Variants in FIRRM observed in about 807,000 individuals in gnomAD.
FIRRM encodes the protein FIGNL1 interacting regulator of recombination and mitosis.
At chr1:169,802,776 C>A in the FIRRM span, 2 of 1,116,802 alleles carry the variant, frequency 1.8e-6, no homozygotes, top group South Asian at 2.6e-5. Flanking sequence ...TAAAGAATGT[C>A]AAAATTTTTA....
At chr1:169,816,205 T>G in the FIRRM span, among the ~76,000 whole-genome samples, 1 of 21,306 alleles carries the variant, frequency 4.7e-5, no homozygotes, top group African/African-American at 2.9e-4. Context: ...TTCCATGAAC[T>G]GGGCAACTGT....
the FIRRM span, chr1:169,851,517 C>A: frequency 2.2e-5 from 6 of 267,136 alleles, no homozygotes; most frequent in Non-Finnish European, 3.5e-5. Flanking sequence ...TACATCTAAG[C>A]TGGATTTTAA....
At chr1:169,844,440 TAAGA>T in the FIRRM span, among the ~76,000 whole-genome samples, 2 of 152,310 alleles carry the variant, frequency 1.3e-5, no homozygotes, top group Admixed American at 6.5e-5. Flanking sequence ...CAGGGTCAGG[TAAGA>T]AAGATAAACA....
chr1:169,850,092 T>G, the FIRRM span: 1 of 584,082 alleles, frequency 1.7e-6, no homozygotes, highest in Non-Finnish European at 3.0e-6. Context: ...AGAAGTTAAT[T>G]TTGTATTATC....
chr1:169,799,165 A>C, the FIRRM span, among the ~76,000 whole-genome samples: 1 of 152,224 alleles, frequency 6.6e-6, no homozygotes, highest in African/African-American at 2.4e-5. Flanking sequence ...ATTTTGGATA[A>C]ATACCAAAGT....
At chr1:169,830,345 C>G in the FIRRM span, 1 of 1,612,578 alleles carries the variant, frequency 6.2e-7, no homozygotes, top group Non-Finnish European at 8.5e-7. Flanking sequence ...TTGCTCGGTA[C>G]AACATATTTG....
the FIRRM span, among the ~76,000 whole-genome samples, chr1:169,801,458 A>AAG: frequency 6.6e-6 from 1 of 151,102 alleles, no homozygotes; most frequent in Non-Finnish European, 1.5e-5. Flanking sequence ...AAAAAAAAAA[A>AAG]AAAAAAAAAG....
At chr1:169,811,761 TAGAC>T in the FIRRM span, among the ~76,000 whole-genome samples, 53 of 131,362 alleles carry the variant, frequency 4.0e-4, 1 homozygote, top group African/African-American at 8.2e-4. Flanking sequence ...AAATAGATAA[TAGAC>T]AGATTATCTA....
chr1:169,795,302 G>A, the FIRRM span: 1 of 1,450,832 alleles, frequency 6.9e-7, no homozygotes, highest in Non-Finnish European at 9.3e-7. Context: ...CCCACCGCCA[G>A]GCTGGGTTAT....
chr1:169,811,775 A>AG, the FIRRM span, among the ~76,000 whole-genome samples: 1,156 of 151,704 alleles, frequency 7.6e-3, 32 homozygotes, highest in Middle Eastern at 0.017. Context: ...CAGATTATCT[A>AG]AATAGATAAT....
the FIRRM span, among the ~76,000 whole-genome samples, chr1:169,810,991 C>A: frequency 6.6e-6 from 1 of 151,512 alleles, no homozygotes; most frequent in East Asian, 1.9e-4. Context: ...TCCCGAGTAG[C>A]TGGGACTACA....
chr1:169,828,583 C>T, the FIRRM span, among the ~76,000 whole-genome samples: 1 of 151,882 alleles, frequency 6.6e-6, no homozygotes, highest in Non-Finnish European at 1.5e-5. Context: ...GGGTCTTGCT[C>T]TGTCACCCAG....
the FIRRM span, chr1:169,853,070 CAA>C: frequency 8.9e-6 from 12 of 1,355,340 alleles, no homozygotes; most frequent in Non-Finnish European, 1.2e-5. Flanking sequence ...AGATATAAAA[CAA>C]ATTTTGTAAA....
the FIRRM span, among the ~76,000 whole-genome samples, chr1:169,839,020 G>C: frequency 6.6e-6 from 1 of 152,140 alleles, no homozygotes; most frequent in African/African-American, 2.4e-5. Context: ...TTATAAGTGA[G>C]AACATGTGGT....
chr1:169,808,068 G>A, the FIRRM span: 1 of 820,642 alleles, frequency 1.2e-6, no homozygotes, highest in Non-Finnish European at 1.9e-6. Flanking sequence ...TTGATCTGTG[G>A]GATTATTTAT....
At chr1:169,809,458 C>A in the FIRRM span, among the ~76,000 whole-genome samples, 1 of 152,128 alleles carries the variant, frequency 6.6e-6, no homozygotes, top group East Asian at 1.9e-4. Flanking sequence ...CTCTTGACAC[C>A]ACAGAGTTTG....
At chr1:169,788,257 G>A in the FIRRM span, among the ~76,000 whole-genome samples, 1 of 152,136 alleles carries the variant, frequency 6.6e-6, no homozygotes, top group Non-Finnish European at 1.5e-5. Context: ...TGCCACCCCT[G>A]AGACAGTAAG....
chr1:169,853,735 T>C, the FIRRM span: 1 of 1,613,914 alleles, frequency 6.2e-7, no homozygotes, highest in African/African-American at 1.3e-5. Context: ...ATCTTCCCAG[T>C]TCAGCTCCCC....
At chr1:169,852,170 G>GGAA in the FIRRM span, 45 of 571,530 alleles carry the variant, frequency 7.9e-5, no homozygotes, top group Non-Finnish European at 1.3e-4. Flanking sequence ...AACCTTTAAG[G>GGAA]GAAGTTACAT....
Sources: gnomAD v4.1 joint callset for allele counts (sites outside exome capture counted in the v4.1 genomes callset) on GRCh38, gnomAD v4.1.1 for gene constraint, MANE v1.5 for transcripts, NCBI Gene and HGNC (gene_info 2026-07-23, HGNC 2026-07-21) for gene names.